The following ZPLD1 variants were observed in gnomAD, a reference collection of about 807,000 sequenced individuals.
The protein encoded by ZPLD1 is zona pellucida-like domain-containing protein 1.
A neutral mutation model predicts 47.2 loss-of-function variants in ZPLD1; 34 were observed. The observed-to-expected ratio is 0.72, with a 90% CI of 0.55 to 0.96. The LOEUF (loss-of-function observed/expected upper bound fraction) is 0.96, where lower values mean the gene tolerates loss of function less well. ZPLD1 is among the 40% of genes least tolerant of loss of function. The probability of loss-of-function intolerance (pLI) is 0.00; values close to 1 mark genes in which losing one functional copy is unlikely to be tolerated. For missense variants in ZPLD1, 512 were observed against 505.8 expected, an observed-to-expected ratio of 1.01 and a Z score of -0.12; for synonymous variants, 176 against 186.2, an observed-to-expected ratio of 0.95 and a Z score of 0.45.
At chr3:102,459,610 T>G (rs566716661) in intron 6 of ZPLD1, among the ~76,000 whole-genome samples, 20 of 152,308 alleles carry the variant, frequency 1.3e-4, no homozygotes, top group Non-Finnish European at 2.4e-4. Flanking sequence ...AACCTTAATA[T>G]TTTAATTATA....
chr3:102,412,357 A>G (rs537913103), intron 7 of ZPLD1, among the ~76,000 whole-genome samples: 3 of 151,854 alleles, frequency 2.0e-5, no homozygotes, highest in South Asian at 2.1e-4. Flanking sequence ...GTTCTTTTCA[A>G]TTCTGTGCAG....
chr3:102,464,401 CT>C, intron 8 of ZPLD1, 150 bp downstream of exon 8: 1 of 554,404 alleles, frequency 1.8e-6, no homozygotes, highest in Non-Finnish European at 3.1e-6. Flanking sequence ...CCTTATAAAG[CT>C]GAAAGTATAA....
intron 6 of ZPLD1, among the ~76,000 whole-genome samples, chr3:102,390,990 TA>T (rs1706488979): frequency 6.6e-6 from 1 of 152,134 alleles, no homozygotes; most frequent in African/African-American, 2.4e-5. Flanking sequence ...ATAGACTAAG[TA>T]AATTTTTAGT....
At chr3:102,394,761 AT>A (rs2107287061) in intron 7 of ZPLD1, among the ~76,000 whole-genome samples, 1 of 152,216 alleles carries the variant, frequency 6.6e-6, no homozygotes, top group South Asian at 2.1e-4. Context: ...CCCTAAACAA[AT>A]TGATTTGGTG....
chr3:102,476,278 A>C (rs770230937), intron 10 of ZPLD1, among the ~76,000 whole-genome samples: 7 of 152,212 alleles, frequency 4.6e-5, no homozygotes, highest in African/African-American at 1.7e-4. Flanking sequence ...TCTTATTTCA[A>C]ATATGAAATA....
chr3:102,438,024 A>T (rs1017185636), intron 2 of ZPLD1, among the ~76,000 whole-genome samples: 15 of 152,212 alleles, frequency 9.9e-5, no homozygotes, highest in Non-Finnish European at 2.1e-4. Flanking sequence ...TTATTTGGTC[A>T]TTAAGATTAT....
chr3:102,453,767 T>G (rs1191133146), intron 4 of ZPLD1, among the ~76,000 whole-genome samples: 2 of 152,200 alleles, frequency 1.3e-5, no homozygotes, highest in Non-Finnish European at 2.9e-5. Flanking sequence ...AAACATCTCT[T>G]CAAACATTTC....
intron 6 of ZPLD1, among the ~76,000 whole-genome samples, chr3:102,385,846 A>G (rs920446597): frequency 6.6e-6 from 1 of 152,234 alleles, no homozygotes; most frequent in African/African-American, 2.4e-5. Flanking sequence ...AGTAGTAGAC[A>G]GGGCCATGAG....
chr3:102,394,180 G>A (rs923121089), intron 7 of ZPLD1, among the ~76,000 whole-genome samples: 1 of 152,114 alleles, frequency 6.6e-6, no homozygotes, highest in African/African-American at 2.4e-5. Context: ...ATTACCTACG[G>A]AAGTTAGAGG....
rs185755429 is a variant in ZPLD1, at chr3:102,452,749, T to C, written c.107-170T>C. On this transcript the variant is annotated intron_variant, in intron 3 of 11. Coordinates refer to ENST00000466937, the MANE Select transcript of ZPLD1 (RefSeq NM_001329788.2). The stretch of plus-strand genomic sequence containing the variant: ...CCTTAAATAACTAAATAAAAGGCTA[T>C]TTTTCTTGTCTACTTTACTTAATAG... Among the ~76,000 whole-genome samples, 20 of 152,032 alleles carry C rather than the reference T, an allele frequency of 1.3e-4. No individual in the cohort carries two copies. The East Asian group carries it at 3.9e-3, about 29-fold the overall frequency.
Position 102,470,444 on chromosome 3 carries a change from C to T in ZPLD1, c.984C>T (p.Ser328=), listed in dbSNP as rs747305765. The T allele has an allele frequency of 1.9e-6, 3 of 1,613,986 alleles. No individual in the cohort carries two copies. The highest frequency in any genetic ancestry group is 2.2e-5 in the South Asian group (2 of 91,060). Residue 328 remains serine (S), a synonymous_variant, in exon 10 of 12, where the codon AGC becomes AGT. Coordinates refer to ENST00000466937, the MANE Select transcript of ZPLD1 (RefSeq NM_001329788.2). ...ATGCTGGGAGGAGGACGACTTGGAG[C>T]CCCCAGAGCTCTTCTGGCAGCGCGG... ...RRDAGRRTTW[S]PQSSSGSAVL...
intron 10 of ZPLD1, among the ~76,000 whole-genome samples, 187 bp from the exon 11 acceptor site, chr3:102,476,825 C>A (rs1011393726): frequency 1.3e-5 from 2 of 151,900 alleles, no homozygotes; most frequent in Admixed American, 6.6e-5. Flanking sequence ...ACATATGAAA[C>A]AGGGCATGGA....
chr3:102,411,797 A>G (rs966833876), intron 7 of ZPLD1, among the ~76,000 whole-genome samples: 1 of 151,880 alleles, frequency 6.6e-6, no homozygotes, highest in African/African-American at 2.4e-5. Context: ...AGCAGCATGT[A>G]TAAAACTGGC....
At chr3:102,476,961 A>G in intron 10 of ZPLD1, 51 bp from the exon 11 acceptor site, 1 of 1,589,514 alleles carries the variant, frequency 6.3e-7, no homozygotes, top group Non-Finnish European at 8.6e-7. Flanking sequence ...AAACAAAGGT[A>G]AATATTTGGA....
At chr3:102,387,874 T>G (rs1389428709) in intron 6 of ZPLD1, among the ~76,000 whole-genome samples, 10 of 145,166 alleles carry the variant, frequency 6.9e-5, no homozygotes, top group Non-Finnish European at 7.6e-5. Flanking sequence ...TTTTTTTTTT[T>G]GTGAGACGGA....
intron 1 of ZPLD1, among the ~76,000 whole-genome samples, chr3:102,436,493 A>C (rs1369403302): frequency 6.6e-6 from 1 of 152,232 alleles, no homozygotes; most frequent in Non-Finnish European, 1.5e-5. Flanking sequence ...GCTGATGATA[A>C]ATGGCAATAA....
chr3:102,425,855 T>C (rs1706939363), intron 8 of ZPLD1, among the ~76,000 whole-genome samples: 1 of 151,214 alleles, frequency 6.6e-6, no homozygotes, highest in South Asian at 2.1e-4. Flanking sequence ...TTTTTACTTC[T>C]ATGCCTTAAG....
intron 10 of ZPLD1, among the ~76,000 whole-genome samples, chr3:102,473,118 C>T (rs1707709769): frequency 6.6e-6 from 1 of 152,110 alleles, no homozygotes; most frequent in Non-Finnish European, 1.5e-5. Flanking sequence ...GAAAAAAACC[C>T]ATCCCCATGA....
intron 3 of ZPLD1, among the ~76,000 whole-genome samples, chr3:102,441,784 A>G (rs1285370501): frequency 1.3e-5 from 2 of 152,160 alleles, no homozygotes; most frequent in Admixed American, 6.5e-5. Context: ...TCCTCAAGTA[A>G]GAGGACTTGA....
Sources: gnomAD v4.1 joint callset for allele counts (sites outside exome capture counted in the v4.1 genomes callset) on GRCh38, gnomAD v4.1.1 for gene constraint, MANE v1.5 for transcripts, NCBI Gene and HGNC (gene_info 2026-07-23, HGNC 2026-07-21) for gene names.